Variants in PFKL observed in about 807,000 individuals in gnomAD.
The protein encoded by PFKL is phosphofructokinase, liver type.
Under a neutral mutation model 92.1 loss-of-function variants are expected in PFKL, and 74 were observed. The observed-to-expected ratio is 0.80, with a 90% CI of 0.67 to 0.97. The LOEUF (loss-of-function observed/expected upper bound fraction) is 0.97. Ranked by LOEUF, PFKL falls within the 50% of genes least tolerant of loss-of-function variation. PFKL has a pLI of 0.00. For synonymous variants in PFKL, 494 were observed against 456.4 expected, an observed-to-expected ratio of 1.08 and a Z score of -1.05; for missense variants, 1,028 against 1,116.6, an observed-to-expected ratio of 0.92 and a Z score of 1.13.
chr21:44,314,024 G>T lies in PFKL; in HGVS notation c.747+3G>T. 1 of 1,595,156 alleles carries T rather than the reference G, an allele frequency of 6.3e-7. No homozygotes were observed. Among genetic ancestry groups the T allele is most frequent in the Non-Finnish European group, 8.5e-7 (1 of 1,170,786 alleles). On this transcript the variant is annotated splice_donor_region_variant and intron_variant, in intron 7 of 21. Coordinates refer to ENST00000349048, the MANE Select transcript of PFKL (RefSeq NM_002626.6). Reference sequence around the variant, plus strand: ...TCATGTGTGAGAGGCTGGGTGAGGTGGGTGCCGTCCAGCCTGCTGGGGGCC... The same window carrying T: ...TCATGTGTGAGAGGCTGGGTGAGGTTGGTGCCGTCCAGCCTGCTGGGGGCC...
At chr21:44,324,378 G>T in intron 16 of PFKL, 113 bp from the exon 17 acceptor site, 2 of 1,103,274 alleles carry the variant, frequency 1.8e-6, no homozygotes, top group Non-Finnish European at 1.3e-6. Flanking sequence ...GTCTGGGTGC[G>T]TCAGCCCCAG....
intron 13 of PFKL, 89 bp downstream of exon 13, chr21:44,321,964 T>C: frequency 1.3e-6 from 2 of 1,490,762 alleles, no homozygotes; most frequent in Non-Finnish European, 9.0e-7. Context: ...CTGCTGGAGG[T>C]GGAGGCTGAG....
intron 10 of PFKL, 107 bp from the exon 11 acceptor site, chr21:44,319,244 G>A (rs2047294302): frequency 1.1e-6 from 1 of 929,058 alleles, no homozygotes; most frequent in Admixed American, 1.8e-5. Flanking sequence ...GCCAGGGTCA[G>A]GAGATGCCGG....
chr21:44,319,385 G>A lies in PFKL; in HGVS notation c.1097G>A (p.Arg366Lys). Residue 366 changes from arginine to lysine, a missense_variant, in exon 11 of 22, where the codon AGG becomes AAG. Arg to Lys is a conservative substitution (Grantham distance 26). Coordinates refer to ENST00000349048, the MANE Select transcript of PFKL (RefSeq NM_002626.6). Reference protein sequence around the residue: ...KEVQKAMDDKRFDEATQLRGG... With the variant: ...KEVQKAMDDKKFDEATQLRGG... ...GTGCAGAAAGCCATGGATGACAAGA[G>A]GTTTGACGAGGCCACCCAGCTCCGT... is the stretch of plus-strand genomic sequence containing the variant. 1 of 1,613,786 alleles carries A rather than the reference G, an allele frequency of 6.2e-7. No individual in the cohort carries two copies. The highest frequency in any genetic ancestry group is 1.7e-5 in the Admixed American group (1 of 60,022).
In PFKL at chr21:44,312,005, G is replaced by T. The variant is rs1391354323; in HGVS notation, c.238-100G>T. The T allele has an allele frequency of 5.0e-6, 5 of 998,906 alleles. No individual in the cohort carries two copies. In the South Asian group the frequency reaches 6.8e-5, roughly 14 times the overall value. 61.9% of individuals were successfully genotyped at this position (998,906 alleles called of 1,614,324 possible). A position where few individuals can be genotyped will look rare whatever the true frequency, so the allele number is the denominator to read the frequency against. ...TTCTGCCTCTCACTCTGCAGGGTCT[G>T]CCAGCCCCTTGCTGCCCAGTCCTGG... On this transcript the variant is annotated intron_variant, in intron 3 of 21. Coordinates refer to ENST00000349048, the MANE Select transcript of PFKL (RefSeq NM_002626.6).
Position 44,322,210 on chromosome 21 carries a change from T to C in PFKL, c.1409+7T>C, listed in dbSNP as rs1290548102. ...CCATGCTGGGGACCAAGAGGTGAGC[T>C]GCCTGCTGCGGGTACCTGGGGGCAG... is the stretch of plus-strand genomic sequence containing the variant. On this transcript the variant is annotated splice_region_variant and intron_variant, in intron 14 of 21. Transcript: ENST00000349048. The C allele has an allele frequency of 6.3e-7, 1 of 1,598,516 alleles. No homozygotes were observed. The highest frequency in any genetic ancestry group is 8.5e-7 in the Non-Finnish European group (1 of 1,176,248).
intron 17 of PFKL, 84 bp downstream of exon 17, chr21:44,324,739 C>T: frequency 6.4e-7 from 1 of 1,564,518 alleles, no homozygotes; most frequent in Non-Finnish European, 8.7e-7. Context: ...CAGCGCAGGG[C>T]AGGGCCCGGG....
At chr21:44,319,528 G>A (rs1045324141) in intron 11 of PFKL, 113 bp downstream of exon 11, 11 of 913,870 alleles carry the variant, frequency 1.2e-5, no homozygotes, top group South Asian at 6.8e-5. Context: ...TCTAGGCACC[G>A]CGTCTGAAGA....
Position 44,326,878 on chromosome 21 carries a change from C to G in PFKL, c.*16C>G, listed in dbSNP as rs373368248. 1 of 1,593,976 alleles carries G rather than the reference C, an allele frequency of 6.3e-7. No homozygotes were observed. Among genetic ancestry groups the G allele is most frequent in the South Asian group, 1.1e-5 (1 of 88,448 alleles). On this transcript the variant is annotated 3_prime_UTR_variant, in exon 22 of 22. Transcript: ENST00000349048. ...GGGCTTCTGAGGCCAGCCATGCCCA[C>G]GCCCCTCCCCAGCCCCCACCCATGC...
At chr21:44,300,720 G>T (rs1851921206) in intron 1 of PFKL, among the ~76,000 whole-genome samples, 2 of 130,892 alleles carry the variant, frequency 1.5e-5, no homozygotes, top group South Asian at 4.5e-4. Flanking sequence ...GGGCGGTGGG[G>T]AGATGGGCTG....
Position 44,309,388 on chromosome 21 carries a change from G to A in PFKL, c.160-1618G>A, listed in dbSNP as rs377340073. On this transcript the variant is annotated intron_variant, in intron 2 of 21. Coordinates refer to ENST00000349048, the MANE Select transcript of PFKL (RefSeq NM_002626.6). ...CCAGGCCTGCAGGGGTGAGAGGAGG[G>A]GGCGGGGCTAGAGGGGAAGGAGGGG... Among the ~76,000 whole-genome samples the A allele has an allele frequency of 3.3e-5, 5 of 152,290 alleles. 1 individual carries two copies. Among genetic ancestry groups the A allele is most frequent in the African/African-American group, 1.2e-4 (5 of 41,560 alleles).
chr21:44,300,581 G>C (rs1018527401), intron 1 of PFKL, among the ~76,000 whole-genome samples: 13 of 152,210 alleles, frequency 8.5e-5, no homozygotes, highest in African/African-American at 2.4e-4. Context: ...GGTGCCTCCC[G>C]AGGGCCGGCG....
intron 2 of PFKL, among the ~76,000 whole-genome samples, chr21:44,309,916 T>C (rs35458462): frequency 0.38 from 58,461 of 152,222 alleles, 11,832 homozygotes; most frequent in East Asian, 0.66. Context: ...GGGATGTTCA[T>C]GCGCCCCGCA....
chr21:44,308,934 G>A (rs774537944), intron 2 of PFKL, among the ~76,000 whole-genome samples: 1 of 152,146 alleles, frequency 6.6e-6, no homozygotes, highest in Non-Finnish European at 1.5e-5. Context: ...GCCCAAGTGT[G>A]TTGGCAGACA....
At chr21:44,318,835 A>G (rs1218297819) in intron 10 of PFKL, among the ~76,000 whole-genome samples, 3 of 152,186 alleles carry the variant, frequency 2.0e-5, no homozygotes, top group Non-Finnish European at 2.9e-5. Context: ...CCTGGTGAGC[A>G]TGGGAAGTCA....
In PFKL at chr21:44,326,221, G is replaced by A. The variant is rs1324697096; in HGVS notation, c.2152G>A (p.Ala718Thr). Residue 718 changes from alanine to threonine, a missense_variant, in exon 21 of 22, where the codon GCC (alanine) becomes ACC (threonine). Coordinates refer to ENST00000349048, the MANE Select transcript of PFKL (RefSeq NM_002626.6). ...CVIGLKKKAV[A>T]FSPVTELKKD... is the part of the protein sequence containing the mutation. ...GATCGGCCTGAAGAAGAAGGCGGTG[G>A]CCTTCAGCCCCGTCACTGAGCTCAA... The A allele has an allele frequency of 6.2e-7, 1 of 1,612,862 alleles. No individual in the cohort carries two copies. The highest frequency in any genetic ancestry group is 8.5e-7 in the Non-Finnish European group (1 of 1,179,808).
chr21:44,313,887 GAGC>G, intron 6 of PFKL, 23 bp from the exon 7 acceptor site: 1 of 1,542,636 alleles, frequency 6.5e-7, no homozygotes, highest in Non-Finnish European at 8.8e-7. Context: ...TGGGGGTCCT[GAGC>G]AGGCAGGCGC....
In PFKL at chr21:44,316,413, C is replaced by G; in HGVS notation, c.844-19C>G. ...GTGTGGGCTGGGGCTCAGGGCTGGT[C>G]CTTCCCACTGTCCTGCAGCTGGTGG... On this transcript the variant is annotated intron_variant, in intron 8 of 21. Transcript: ENST00000349048. The G allele has an allele frequency of 6.2e-7, 1 of 1,612,470 alleles. No homozygotes were observed. Among genetic ancestry groups the G allele is most frequent in the Non-Finnish European group, 8.5e-7 (1 of 1,179,316 alleles).
At position 44,313,060 on chromosome 21, in the gene PFKL, C is replaced by T. The variant is rs146448476; in HGVS notation, c.510C>T (p.Cys170=). ...TGGGCTCCATCGATAACGACTTCTGCGGCACCGACATGACCATCGGCACGG... is the reference window on the plus strand; with the variant it reads ...TGGGCTCCATCGATAACGACTTCTGTGGCACCGACATGACCATCGGCACGG... ...GLVGSIDNDF[C]GTDMTIGTDS... The change falls in exon 5 of 22, where the codon TGC becomes TGT. Residue 170 remains cysteine, a synonymous_variant. Coordinates refer to ENST00000349048, the MANE Select transcript of PFKL (RefSeq NM_002626.6). 42 of 1,613,020 alleles carry T rather than the reference C, an allele frequency of 2.6e-5. No homozygotes were observed. The highest frequency in any genetic ancestry group is 1.2e-4 in the African/African-American group (9 of 74,912).
Sources: gnomAD v4.1 joint callset for allele counts (sites outside exome capture counted in the v4.1 genomes callset) on GRCh38, gnomAD v4.1.1 for gene constraint, MANE v1.5 for transcripts, NCBI Gene and HGNC (gene_info 2026-07-23, HGNC 2026-07-21) for gene names.